Variants in TICRR observed in about 807,000 individuals in gnomAD.
TICRR encodes the protein treslin.
A neutral mutation model predicts 178.1 loss-of-function variants in TICRR; 132 were observed. That is an observed-to-expected ratio of 0.74 (90% CI 0.64 to 0.86). TICRR has a LOEUF of 0.86. TICRR is among the 40% of genes least tolerant of loss of function. The pLI is 0.00. For synonymous variants in TICRR, 991 were observed against 900.7 expected (o/e 1.10, Z -1.79); for missense variants, 2,587 against 2,334.3 (o/e 1.11, Z -2.23).
chr15:89,589,868 C>T (rs1962882041), intron 4 of TICRR, among the ~76,000 whole-genome samples: 2 of 152,060 alleles, frequency 1.3e-5, no homozygotes, highest in Admixed American at 1.3e-4. Context: ...GTAATCCCAG[C>T]TCCTCAGGAT....
intron 18 of TICRR, among the ~76,000 whole-genome samples, chr15:89,620,161 G>A (rs1055673818): frequency 3.3e-5 from 5 of 152,074 alleles, no homozygotes; most frequent in South Asian, 2.1e-4. Flanking sequence ...CTGTGTTTAC[G>A]TTCTTCATTC....
At position 89,625,235 on chromosome 15, in the gene TICRR, A is replaced by G. The variant is rs1167930893; in HGVS notation, c.4925A>G (p.Tyr1642Cys). Reference protein sequence around the residue: ...STPGKSRGQTYICQACTPTHG... With the variant: ...STPGKSRGQTCICQACTPTHG... ...CCTGGCAAGAGCAGGGGGCAAACCT[A>G]CATCTGCCAGGCCTGTACCCCCACC... The change falls in exon 20 of 22, where the codon TAC (tyrosine) becomes TGC (cysteine). Residue 1642 changes from tyrosine (Y) to cysteine (C), a missense_variant. Physicochemically the swap from Tyr to Cys is radical, Grantham distance 194 (BLOSUM62 -2). Coordinates refer to ENST00000268138, the MANE Select transcript of TICRR (RefSeq NM_152259.4). 7 of 1,613,156 alleles carry G rather than the reference A, an allele frequency of 4.3e-6. No individual in the cohort carries two copies. In the African/African-American group the frequency reaches 6.7e-5, roughly 15 times the overall value.
chr15:89,624,248 C>T lies in TICRR; in HGVS notation c.3938C>T (p.Thr1313Ile), dbSNP rs887643190. The T allele has an allele frequency of 3.7e-6, 6 of 1,614,084 alleles. No homozygotes were observed. The African/African-American group carries it at 6.7e-5, about 18-fold the overall frequency. Residue 1313 changes from threonine to isoleucine, a missense_variant, in exon 20 of 22, where the codon ACC becomes ATC. Transcript: ENST00000268138. Reference sequence around the variant, plus strand: ...CCTGTTACGCCAAAGAAACTGTTTACCTCTCCTTTATGTGATGTCTCCAAG... The same window carrying T: ...CCTGTTACGCCAAAGAAACTGTTTATCTCTCCTTTATGTGATGTCTCCAAG... ...SPPVTPKKLF[T>I]SPLCDVSKKS... is the part of the protein sequence containing the mutation.
Position 89,601,939 on chromosome 15 carries a change from C to T in TICRR, c.2530C>T (p.Leu844=), listed in dbSNP as rs1963105994. 22 of 1,614,006 alleles carry T rather than the reference C, an allele frequency of 1.4e-5. No homozygotes were observed. The highest frequency in any genetic ancestry group is 1.9e-5 in the Non-Finnish European group (22 of 1,180,026). ...GTCAGGCAGCCCTGAATCTGATGAA[C>T]TGCAGGAACTTCGTACCAGATCAGC... ...SVSGSPESDE[L]QELRTRSAKK... The change falls in exon 12 of 22, where the codon CTG becomes TTG. Residue 844 remains leucine, a synonymous_variant. Transcript: ENST00000268138.
intron 9 of TICRR, 96 bp from the exon 10 acceptor site, chr15:89,601,202 T>G: frequency 3.0e-6 from 3 of 1,015,332 alleles, no homozygotes; most frequent in Non-Finnish European, 4.4e-6. Flanking sequence ...CCTTTTTGGT[T>G]GTTGTGTCTT....
intron 4 of TICRR, among the ~76,000 whole-genome samples, chr15:89,589,283 C>T (rs999845813): frequency 2.6e-5 from 4 of 152,114 alleles, no homozygotes; most frequent in Middle Eastern, 3.2e-3. Flanking sequence ...ATGGTTTCAA[C>T]GCAGCTAATG....
chr15:89,592,415 G>A (rs1172772532), intron 5 of TICRR, among the ~76,000 whole-genome samples: 4 of 151,996 alleles, frequency 2.6e-5, no homozygotes, highest in Admixed American at 6.5e-5. Context: ...AAAGTAATTC[G>A]TCAAGTTAAA....
chr15:89,608,795 G>T lies in TICRR; in HGVS notation c.2723-8G>T. ...TTTTCTTTTTCTTTTAATTTTTGAT[G>T]CTTTCAGAAGTGACCAAAGTTCGAA... On this transcript the variant is annotated splice_polypyrimidine_tract_variant and splice_region_variant and intron_variant, in intron 14 of 21. Coordinates refer to ENST00000268138, the MANE Select transcript of TICRR (RefSeq NM_152259.4). 6.4e-7 allele frequency: 1 copy of T among 1,558,146 alleles called. No homozygotes were observed. The highest frequency in any genetic ancestry group is 8.6e-7 in the Non-Finnish European group (1 of 1,157,308).
At chr15:89,603,189 TAAGC>T (rs1174790504) in intron 13 of TICRR, among the ~76,000 whole-genome samples, 2 of 152,124 alleles carry the variant, frequency 1.3e-5, no homozygotes, top group African/African-American at 2.4e-5. Flanking sequence ...ATAACTAAAA[TAAGC>T]AAAGCAGTCA....
At chr15:89,594,620 G>A (rs1484004922) in intron 6 of TICRR, 66 bp downstream of exon 6, 48 of 1,373,956 alleles carry the variant, frequency 3.5e-5, no homozygotes, top group Non-Finnish European at 4.4e-5. Flanking sequence ...TAAAAGATGG[G>A]CATTTCCTGA....
chr15:89,575,620 G>A lies in TICRR; in HGVS notation c.34G>A (p.Asp12Asn). The change falls in exon 1 of 22, where the codon GAC becomes AAC. Residue 12 changes from aspartate (D) to asparagine (N), a missense_variant. Transcript: ENST00000268138. ...ACCHKVMLLLDTAGGAARHSR... is the reference protein window; with the variant it reads ...ACCHKVMLLLNTAGGAARHSR... ...CTGTCACAAAGTAATGCTGCTGCTG[G>A]ACACCGCGGGCGGCGCCGCCCGCCA... 6.5e-7 allele frequency: 1 copy of A among 1,536,248 alleles called. No individual in the cohort carries two copies. Among genetic ancestry groups the A allele is most frequent in the Non-Finnish European group, 8.7e-7 (1 of 1,146,018 alleles).
rs1328281162 is a variant in TICRR at position 89,624,843 on chromosome 15, T to A, written c.4533T>A (p.Pro1511=). The A allele has an allele frequency of 6.2e-7, 1 of 1,614,186 alleles. No individual in the cohort carries two copies. Residue 1511 remains proline, a synonymous_variant, in exon 20 of 22, where the codon CCT becomes CCA. Transcript: ENST00000268138. The part of the protein sequence containing the change: ...LSHPGIPPSP[P]SCGPGSPLMP... Reference sequence around the variant, plus strand: ...ACCCTGGGATTCCCCCATCTCCTCCTTCCTGTGGGCCTGGCTCTCCTCTGA... The same window carrying A: ...ACCCTGGGATTCCCCCATCTCCTCCATCCTGTGGGCCTGGCTCTCCTCTGA...
chr15:89,608,696 A>T (rs1468761904), intron 14 of TICRR, 107 bp from the exon 15 acceptor site: 7 of 897,718 alleles, frequency 7.8e-6, no homozygotes, highest in Non-Finnish European at 6.5e-6. Context: ...AGCAATCTGT[A>T]GTTTCCTCAA....
rs1203175336 is a variant in TICRR at position 89,624,601 on chromosome 15, C to T, written c.4291C>T (p.Pro1431Ser). 2.5e-6 allele frequency: 4 copies of T among 1,613,722 alleles called. No homozygotes were observed. The highest frequency in any genetic ancestry group is 3.4e-6 in the Non-Finnish European group (4 of 1,179,960). The stretch of plus-strand genomic sequence containing the variant: ...TGACCAGAAGGGACTGAGCCTCTCT[C>T]CTCAGTCTCCTCCTGAAAGACGGGG... ...RDDQKGLSLSPQSPPERRGYP... is the reference protein window; with the variant it reads ...RDDQKGLSLSSQSPPERRGYP... Residue 1431 changes from proline to serine, a missense_variant, in exon 20 of 22, where the codon CCT becomes TCT. Physicochemically the swap from Pro to Ser is moderately conservative, Grantham distance 74 (BLOSUM62 -1). Coordinates refer to ENST00000268138, the MANE Select transcript of TICRR (RefSeq NM_152259.4).
chr15:89,598,403 C>T (rs1380653666), intron 7 of TICRR, among the ~76,000 whole-genome samples: 1 of 152,048 alleles, frequency 6.6e-6, no homozygotes, highest in Non-Finnish European at 1.5e-5. Flanking sequence ...ACTCTTATTG[C>T]CCAGACTGGA....
chr15:89,584,513 G>A lies in TICRR; in HGVS notation c.1162G>A (p.Glu388Lys), dbSNP rs780751226. The A allele has an allele frequency of 1.9e-6, 3 of 1,584,152 alleles. No homozygotes were observed. In the South Asian group the frequency reaches 3.4e-5, roughly 18 times the overall value. Reference sequence around the variant, plus strand: ...GCAGTTGGTAAGCAGGCTGACTGCTGAAGAGTTACACCTGGTAGGTATCCT... The same window carrying A: ...GCAGTTGGTAAGCAGGCTGACTGCTAAAGAGTTACACCTGGTAGGTATCCT... ...FQQLVSRLTAEELHLVADVDP... is the reference protein window; with the variant it reads ...FQQLVSRLTAKELHLVADVDP... The change falls in exon 3 of 22, where the codon GAA becomes AAA. Residue 388 changes from glutamate (E) to lysine (K), a missense_variant. Coordinates refer to ENST00000268138, the MANE Select transcript of TICRR (RefSeq NM_152259.4).
chr15:89,578,156 CTAAT>C (rs1367676438), intron 1 of TICRR, among the ~76,000 whole-genome samples: 1 of 152,010 alleles, frequency 6.6e-6, no homozygotes, highest in Non-Finnish European at 1.5e-5. Context: ...GGATTTTGTT[CTAAT>C]TAATTAATGG....
rs1426930608 is a variant in TICRR, at chr15:89,623,877, A to G, written c.3567A>G (p.Glu1189=). ...AGGCAGGAGAAGGTACCTCTCTTGA[A>G]ACGAAGACACCAAGAACTCCTAAGA... ...HTQAGEGTSL[E]TKTPRTPKRQ... is the part of the protein sequence containing the mutation. Residue 1189 remains glutamate, a synonymous_variant, in exon 20 of 22, where the codon GAA becomes GAG. Coordinates refer to ENST00000268138, the MANE Select transcript of TICRR (RefSeq NM_152259.4). 8 of 1,613,804 alleles carry G rather than the reference A, an allele frequency of 5.0e-6. No homozygotes were observed. Among genetic ancestry groups the G allele is most frequent in the Non-Finnish European group, 6.8e-6 (8 of 1,180,026 alleles).
rs201156702 is a variant in TICRR, at chr15:89,621,553, A to T, written c.3312+3A>T. ...CGGAGGTACCTGCAGCTTACCAGGT[A>T]TAATGTTTCTGTAATGTTTGAAATA... On this transcript the variant is annotated splice_donor_region_variant and intron_variant, in intron 19 of 21. Transcript: ENST00000268138. 1 of 1,605,610 alleles carries T rather than the reference A, an allele frequency of 6.2e-7. No homozygotes were observed. Among genetic ancestry groups the T allele is most frequent in the Non-Finnish European group, 8.5e-7 (1 of 1,177,488 alleles).
Sources: gnomAD v4.1 joint callset for allele counts (sites outside exome capture counted in the v4.1 genomes callset) on GRCh38, gnomAD v4.1.1 for gene constraint, MANE v1.5 for transcripts, NCBI Gene and HGNC (gene_info 2026-07-23, HGNC 2026-07-21) for gene names.